SH3BGR: variants seen among roughly 807,000 people sequenced by gnomAD.
SH3BGR encodes SH3 domain-binding glutamic acid-rich protein.
A neutral mutation model predicts 24.5 loss-of-function variants in SH3BGR; 29 were observed. The ratio of observed to expected loss-of-function variants is 1.18; its 90% confidence interval spans 0.88 to 1.61. The LOEUF (loss-of-function observed/expected upper bound fraction) is 1.61, where lower values mean the gene tolerates loss of function less well. Among genes scored for constraint, SH3BGR ranks in the 40% most tolerant of loss-of-function variants. The pLI is 0.00. For synonymous variants in SH3BGR, 55 were observed against 65.7 expected (o/e 0.84, Z 0.79); for missense variants, 162 against 205.8 (o/e 0.79, Z 1.30).
chr21:39,453,687 C>A (rs1478569451), intron 1 of SH3BGR, among the ~76,000 whole-genome samples: 2 of 152,180 alleles, frequency 1.3e-5, no homozygotes, highest in African/African-American at 4.8e-5. Context: ...GTTCCCTAAG[C>A]AAATGTTTCA....
At chr21:39,462,332 A>G in intron 1 of SH3BGR, 43 bp from the exon 2 acceptor site, 1 of 1,475,498 alleles carries the variant, frequency 6.8e-7, no homozygotes, top group Non-Finnish European at 9.2e-7. Flanking sequence ...TGTAAGCAAA[A>G]TATTTTTCAT....
chr21:39,479,728 A>G (rs2078100918), intron 3 of SH3BGR, among the ~76,000 whole-genome samples: 1 of 152,192 alleles, frequency 6.6e-6, no homozygotes, highest in Non-Finnish European at 1.5e-5. Context: ...CTTGCCGTCC[A>G]GGGATGAGGA....
At chr21:39,465,573 A>G (rs185752273) in intron 2 of SH3BGR, among the ~76,000 whole-genome samples, 1 of 152,194 alleles carries the variant, frequency 6.6e-6, no homozygotes, top group East Asian at 1.9e-4. Context: ...AGTTCACAGT[A>G]TAGCTGCCCA....
At chr21:39,504,185 A>G (rs940091308) in intron 4 of SH3BGR, among the ~76,000 whole-genome samples, 1 of 152,196 alleles carries the variant, frequency 6.6e-6, no homozygotes, top group Admixed American at 6.5e-5. Context: ...GACAGATAAC[A>G]TGATTATGGT....
intron 5 of SH3BGR, among the ~76,000 whole-genome samples, chr21:39,509,977 G>C: frequency 7.9e-6 from 1 of 126,518 alleles, no homozygotes; most frequent in South Asian, 2.4e-4. Context: ...GAGTCCCGCT[G>C]TTTAGCCCAG....
chr21:39,473,754 A>G (rs900760727), intron 2 of SH3BGR, among the ~76,000 whole-genome samples: 13 of 151,880 alleles, frequency 8.6e-5, no homozygotes, highest in Non-Finnish European at 4.4e-5. Flanking sequence ...GCATGATGGC[A>G]TGCACCTGTA....
At chr21:39,477,284 A>G (rs1039148013) in intron 3 of SH3BGR, among the ~76,000 whole-genome samples, 3 of 152,026 alleles carry the variant, frequency 2.0e-5, no homozygotes, top group Non-Finnish European at 4.4e-5. Flanking sequence ...TGTGCCATGC[A>G]TTTAAAAAAA....
chr21:39,471,476 C>T (rs1377793989), intron 2 of SH3BGR, among the ~76,000 whole-genome samples: 3 of 152,060 alleles, frequency 2.0e-5, no homozygotes, highest in African/African-American at 7.2e-5. Flanking sequence ...TTAGGTTTTC[C>T]CCTATAATCT....
In SH3BGR at chr21:39,452,014, G is replaced by C. The variant is rs1440231817; in HGVS notation, c.-83G>C. 1 of 1,614,076 alleles carries C rather than the reference G, an allele frequency of 6.2e-7. No individual in the cohort carries two copies. Among genetic ancestry groups the C allele is most frequent in the Non-Finnish European group, 8.5e-7 (1 of 1,180,042 alleles). The stretch of plus-strand genomic sequence containing the variant: ...GCCAGCCCCGACCTGGCACTTGCTT[G>C]CCTGTGTCACTGTCAGGATTTGTCT... On this transcript the variant is annotated 5_prime_UTR_variant, in exon 1 of 7. Coordinates refer to ENST00000333634, the MANE Select transcript of SH3BGR (RefSeq NM_007341.3).
At chr21:39,453,257 ATTG>A (rs998697002) in intron 1 of SH3BGR, among the ~76,000 whole-genome samples, 39 of 152,324 alleles carry the variant, frequency 2.6e-4, no homozygotes, top group African/African-American at 7.0e-4. Flanking sequence ...CTGAGCAGCT[ATTG>A]TTTTAGTGAT....
intron 2 of SH3BGR, among the ~76,000 whole-genome samples, chr21:39,469,921 G>T (rs546582819): frequency 5.9e-5 from 9 of 152,154 alleles, no homozygotes; most frequent in African/African-American, 1.7e-4. Context: ...CTCCCAAAGT[G>T]CAGGGATTAT....
chr21:39,451,621 C>T (rs1452881038), upstream of SH3BGR, among the ~76,000 whole-genome samples: 1 of 152,200 alleles, frequency 6.6e-6, no homozygotes, highest in African/African-American at 2.4e-5. Context: ...AACCCAGCCT[C>T]CTCCTAGACT....
chr21:39,505,655 C>T (rs2078569835), intron 4 of SH3BGR, among the ~76,000 whole-genome samples: 1 of 152,072 alleles, frequency 6.6e-6, no homozygotes, highest in Non-Finnish European at 1.5e-5. Context: ...ATCCCAGCTC[C>T]TTGGGAGCCT....
chr21:39,489,015 G>T (rs532645941), intron 3 of SH3BGR, among the ~76,000 whole-genome samples: 1 of 152,308 alleles, frequency 6.6e-6, no homozygotes, highest in Admixed American at 6.5e-5. Flanking sequence ...CAGAGAGAAT[G>T]AACAGTGTTC....
chr21:39,491,281 C>G (rs1484629187), intron 3 of SH3BGR, among the ~76,000 whole-genome samples: 1 of 152,012 alleles, frequency 6.6e-6, no homozygotes, highest in Non-Finnish European at 1.5e-5. Context: ...TCCCAAATAG[C>G]TGGGACTACA....
chr21:39,491,441 C>T (rs746453624), intron 3 of SH3BGR: 21 of 168,386 alleles, frequency 1.2e-4, no homozygotes, highest in Non-Finnish European at 2.3e-4. Flanking sequence ...GCATGAGCCA[C>T]CACGCCCAGC....
chr21:39,455,030 G>A (rs1190391798), intron 1 of SH3BGR, among the ~76,000 whole-genome samples: 1 of 152,212 alleles, frequency 6.6e-6, no homozygotes, highest in Non-Finnish European at 1.5e-5. Context: ...AAGCTAGGAT[G>A]GAAACACAGG....
intron 1 of SH3BGR, among the ~76,000 whole-genome samples, chr21:39,458,152 A>G (rs1314778880): frequency 6.6e-6 from 1 of 152,172 alleles, no homozygotes; most frequent in Non-Finnish European, 1.5e-5. Context: ...TGAAACCCTC[A>G]AAGTGTAGTC....
chr21:39,450,855 G>A (rs1400550299), upstream of SH3BGR, among the ~76,000 whole-genome samples: 1 of 152,106 alleles, frequency 6.6e-6, no homozygotes, highest in African/African-American at 2.4e-5. Context: ...CTGGAGTGCC[G>A]TGGGTGTGAT....
Sources: allele counts gnomAD v4.1 joint callset (sites outside exome capture counted in the v4.1 genomes callset), GRCh38; gene constraint gnomAD v4.1.1; transcripts MANE v1.5; gene names NCBI Gene and HGNC (gene_info 2026-07-23, HGNC 2026-07-21).